The following CTNNA3 variants were observed in gnomAD, a reference collection of about 807,000 sequenced individuals.
CTNNA3 encodes catenin alpha-3.
Under a neutral mutation model 95.7 loss-of-function variants are expected in CTNNA3, and 76 were observed. The observed-to-expected ratio is 0.79, with a 90% CI of 0.66 to 0.96. The LOEUF is 0.96. CTNNA3 is among the 40% of genes least tolerant of loss of function. The pLI, the probability that CTNNA3 is intolerant of heterozygous loss-of-function variation, is 0.00. For missense variants in CTNNA3, 1,191 were observed against 1,089.8 expected (o/e 1.09, Z -1.31); for synonymous variants, 431 against 374.4 (o/e 1.15, Z -1.74).
intron 7 of CTNNA3, among the ~76,000 whole-genome samples, chr10:67,179,883 G>A (rs1904633): frequency 0.37 from 55,598 of 151,890 alleles, 14,577 homozygotes; most frequent in African/African-American, 0.75. Context: ...CTCTTTACAC[G>A]CCTTCAAACA....
At chr10:67,593,923 G>T (rs1842860136) in intron 3 of CTNNA3, among the ~76,000 whole-genome samples, 1 of 152,014 alleles carries the variant, frequency 6.6e-6, no homozygotes, top group Admixed American at 6.6e-5. Context: ...TTATTTTGAG[G>T]TATGTACCTT....
At position 66,134,996 on chromosome 10, in the gene CTNNA3, T is replaced by C. The variant is rs186252379; in HGVS notation, c.1885-31747A>G. ...TGAAAATATTTTGTGTGATTGTAGATAGAGTGAATGTTTAAAGATATTGTT... is the reference window on the plus strand; with the variant it reads ...TGAAAATATTTTGTGTGATTGTAGACAGAGTGAATGTTTAAAGATATTGTT... On this transcript the variant is annotated intron_variant, in intron 13 of 17. Transcript: ENST00000433211. Among the ~76,000 whole-genome samples, 194 of 152,258 alleles carry C rather than the reference T, an allele frequency of 1.3e-3. 1 individual carries two copies. The highest frequency in any genetic ancestry group is 7.3e-3 in the South Asian group (35 of 4,822).
At chr10:66,720,964 C>G (rs946978032) in intron 9 of CTNNA3, among the ~76,000 whole-genome samples, 5 of 152,208 alleles carry the variant, frequency 3.3e-5, no homozygotes, top group African/African-American at 9.6e-5. Context: ...CAACAGCTCA[C>G]TGGGCTAAAC....
At chr10:67,313,938 G>A (rs1220802759) in intron 5 of CTNNA3, among the ~76,000 whole-genome samples, 1 of 152,124 alleles carries the variant, frequency 6.6e-6, no homozygotes, top group Admixed American at 6.5e-5. Context: ...GAGAAAAAGA[G>A]GTCTGGAATA....
intron 7 of CTNNA3, among the ~76,000 whole-genome samples, chr10:66,985,721 T>C (rs1850691502): frequency 6.6e-6 from 1 of 152,044 alleles, no homozygotes; most frequent in Non-Finnish European, 1.5e-5. Flanking sequence ...TTTCTGTTTG[T>C]TTATTTGTTT....
Position 67,647,403 on chromosome 10 carries a change from T to C in CTNNA3, c.99+12A>G. On this transcript the variant is annotated intron_variant, in intron 2 of 17. Transcript: ENST00000433211. ...CAGTTACTATATATCATAATTTCCA[T>C]GGTATTAATACCTGGATTATGAGAG... 1 of 1,575,702 alleles carries C rather than the reference T, an allele frequency of 6.3e-7. No homozygotes were observed. Among genetic ancestry groups the C allele is most frequent in the Non-Finnish European group, 8.7e-7 (1 of 1,152,508 alleles).
At chr10:67,008,165 T>C (rs1852117320) in intron 7 of CTNNA3, among the ~76,000 whole-genome samples, 1 of 152,146 alleles carries the variant, frequency 6.6e-6, no homozygotes, top group Admixed American at 6.6e-5. Flanking sequence ...AAAATATTGA[T>C]GAGTTCAGGA....
At chr10:66,594,118 T>C (rs924579310) in intron 10 of CTNNA3, among the ~76,000 whole-genome samples, 1 of 152,066 alleles carries the variant, frequency 6.6e-6, no homozygotes, top group Admixed American at 6.6e-5. Flanking sequence ...TCATGACATC[T>C]CCTCAAATCT....
chr10:66,260,878 C>T (rs1215857966), intron 13 of CTNNA3, among the ~76,000 whole-genome samples: 4 of 151,996 alleles, frequency 2.6e-5, no homozygotes, highest in Admixed American at 2.6e-4. Flanking sequence ...ATCATTTCAC[C>T]TTCCTGATTA....
chr10:66,712,602 T>TCACACACACACACACACA lies in CTNNA3; in HGVS notation c.1281+53661_1281+53662insTGTGTGTGTGTGTGTGTG, dbSNP rs1316355936. Among the ~76,000 whole-genome samples, 29 of 143,898 alleles carry TCACACACACACACACACA rather than the reference T, an allele frequency of 2.0e-4. No homozygotes were observed. The East Asian group carries it at 8.6e-3, about 43-fold the overall frequency. The allele number at this position is 143,898 out of a possible 152,430, so 94.4% of individuals were successfully genotyped here. A position where few individuals can be genotyped will look rare whatever the true frequency, so the allele number is the denominator to read the frequency against. On this transcript the variant is annotated intron_variant, in intron 9 of 17. Transcript: ENST00000433211. ...CTCTCACTCTCTCTCCCTCTCTCTC[T>TCACACACACACACACACA]CTCTCTCACACACACAGCAAGAGAC...
intron 13 of CTNNA3, among the ~76,000 whole-genome samples, chr10:66,108,874 G>C (rs2082008632): frequency 6.6e-6 from 1 of 152,074 alleles, no homozygotes; most frequent in Admixed American, 6.6e-5. Context: ...CTTTTAATAA[G>C]TATTGAATCA....
At chr10:66,933,762 T>C (rs1277652691) in intron 7 of CTNNA3, among the ~76,000 whole-genome samples, 1 of 152,210 alleles carries the variant, frequency 6.6e-6, no homozygotes, top group Non-Finnish European at 1.5e-5. Context: ...TTATATGTCA[T>C]TGCTTATGCA....
At chr10:66,105,748 T>C (rs2081871899) in intron 13 of CTNNA3, among the ~76,000 whole-genome samples, 1 of 152,156 alleles carries the variant, frequency 6.6e-6, no homozygotes, top group African/African-American at 2.4e-5. Context: ...ATGAACAAAA[T>C]CAGTGGGGAA....
intron 13 of CTNNA3, among the ~76,000 whole-genome samples, chr10:66,250,229 T>A (rs1261705008): frequency 6.6e-6 from 1 of 152,016 alleles, no homozygotes; most frequent in Non-Finnish European, 1.5e-5. Context: ...ATCAATTGAA[T>A]TCGTGGAGAT....
intron 14 of CTNNA3, among the ~76,000 whole-genome samples, chr10:66,093,314 A>G (rs544170819): frequency 1.2e-4 from 19 of 152,154 alleles, no homozygotes; most frequent in African/African-American, 4.1e-4. Flanking sequence ...GATAGAGCCT[A>G]GTGCACTTGA....
chr10:66,443,709 A>T (rs12267974), intron 11 of CTNNA3, among the ~76,000 whole-genome samples: 1 of 151,642 alleles, frequency 6.6e-6, no homozygotes, highest in East Asian at 1.9e-4. Context: ...GTAGATAAAA[A>T]CACAAAGATG....
intron 7 of CTNNA3, among the ~76,000 whole-genome samples, chr10:66,879,453 C>T (rs1297453239): frequency 6.6e-6 from 1 of 152,010 alleles, no homozygotes; most frequent in East Asian, 1.9e-4. Flanking sequence ...TCGTATAAAG[C>T]AAATTAAGAA....
chr10:67,418,968 C>G (rs545041382), intron 5 of CTNNA3, among the ~76,000 whole-genome samples: 1 of 151,398 alleles, frequency 6.6e-6, no homozygotes, highest in African/African-American at 2.4e-5. Flanking sequence ...GATAAATATA[C>G]ATAATGTTTA....
intron 7 of CTNNA3, among the ~76,000 whole-genome samples, chr10:67,029,385 T>C (rs1853583528): frequency 2.0e-5 from 3 of 152,176 alleles, no homozygotes; most frequent in Admixed American, 2.0e-4. Context: ...GGTTGATTGA[T>C]AAATGGGGAA....
Sources: allele counts gnomAD v4.1 joint callset (sites outside exome capture counted in the v4.1 genomes callset), GRCh38; gene constraint gnomAD v4.1.1; transcripts MANE v1.5; gene names NCBI Gene and HGNC (gene_info 2026-07-23, HGNC 2026-07-21).